SLC9A2: variants seen among roughly 807,000 people sequenced by gnomAD.
The protein encoded by SLC9A2 is solute carrier family 9 member A2, also known as sodium/hydrogen exchanger 2.
Under a neutral mutation model 71.7 loss-of-function variants are expected in SLC9A2, and 42 were observed. The ratio of observed to expected loss-of-function variants is 0.59; its 90% CI spans 0.46 to 0.76. SLC9A2 has a LOEUF of 0.76. Ranked by LOEUF, SLC9A2 falls within the 30% of genes least tolerant of loss-of-function variation. The pLI is 0.00. For synonymous variants in SLC9A2, 396 were observed against 392.5 expected, an observed-to-expected ratio of 1.01 and a Z score of -0.10; for missense variants, 829 against 1,017.4, an observed-to-expected ratio of 0.81 and a Z score of 2.52.
chr2:102,640,674 G>T (rs995869907), intron 1 of SLC9A2, among the ~76,000 whole-genome samples: 17 of 152,134 alleles, frequency 1.1e-4, no homozygotes, highest in African/African-American at 3.9e-4. Flanking sequence ...CAACAAAGAA[G>T]CTCCCAACCT....
intron 1 of SLC9A2, among the ~76,000 whole-genome samples, chr2:102,635,548 G>GT (rs1676453724): frequency 6.6e-6 from 1 of 152,238 alleles, no homozygotes. Context: ...GATTATTTAT[G>GT]TGTGAGTTGG....
At chr2:102,667,001 C>T (rs1021466559) in intron 3 of SLC9A2, among the ~76,000 whole-genome samples, 11 of 152,142 alleles carry the variant, frequency 7.2e-5, no homozygotes, top group African/African-American at 2.7e-4. Flanking sequence ...TATATCAGCA[C>T]GTCTGTATCA....
intron 2 of SLC9A2, among the ~76,000 whole-genome samples, chr2:102,661,365 T>C (rs914687179): frequency 6.6e-6 from 1 of 152,200 alleles, no homozygotes; most frequent in Non-Finnish European, 1.5e-5. Context: ...CCAGTCACTG[T>C]GTGCTGTGGA....
At chr2:102,677,298 GAA>G (rs59477999) in intron 3 of SLC9A2, among the ~76,000 whole-genome samples, 10 of 148,918 alleles carry the variant, frequency 6.7e-5, no homozygotes, top group African/African-American at 2.5e-4. Flanking sequence ...TCCCCAGGGG[GAA>G]AAAAAAAACT....
chr2:102,661,737 A>G (rs1677053127), intron 2 of SLC9A2, among the ~76,000 whole-genome samples: 1 of 152,230 alleles, frequency 6.6e-6, no homozygotes, highest in Non-Finnish European at 1.5e-5. Flanking sequence ...AAATTAGCCC[A>G]TGACAGAATT....
intron 1 of SLC9A2, among the ~76,000 whole-genome samples, chr2:102,637,287 G>A (rs185964146): frequency 6.6e-6 from 1 of 152,354 alleles, no homozygotes; most frequent in East Asian, 1.9e-4. Flanking sequence ...CCACCTGGCT[G>A]TATGAGAAAT....
chr2:102,693,386 G>A (rs1271363809), intron 5 of SLC9A2, among the ~76,000 whole-genome samples: 3 of 152,152 alleles, frequency 2.0e-5, no homozygotes, highest in African/African-American at 7.2e-5. Context: ...GCTGAACAGA[G>A]ACAGACAGAG....
chr2:102,641,472 C>T (rs746404441), intron 1 of SLC9A2, among the ~76,000 whole-genome samples: 7 of 151,434 alleles, frequency 4.6e-5, no homozygotes, highest in Non-Finnish European at 1.0e-4. Context: ...TTGCACGTGC[C>T]GTTCTGCTTG....
Position 102,710,130 on chromosome 2 carries a change from G to A in SLC9A2, c.*1641G>A, listed in dbSNP as rs1217175130. The A allele has an allele frequency of 6.5e-6, 1 of 152,746 alleles. No individual in the cohort carries two copies. The highest frequency in any genetic ancestry group is 1.5e-5 in the Non-Finnish European group (1 of 68,036). 9.5% of individuals were successfully genotyped at this position (152,746 alleles called of 1,614,324 possible). On this transcript the variant is annotated 3_prime_UTR_variant, in exon 12 of 12. Transcript: ENST00000233969. ...ATACACAAGGTACAAGTTCATAGGA[G>A]CACAATTCCTTGATTCAGGGAAAGT...
At chr2:102,630,618 G>A (rs1676338514) in intron 1 of SLC9A2, among the ~76,000 whole-genome samples, 1 of 151,812 alleles carries the variant, frequency 6.6e-6, no homozygotes, top group Non-Finnish European at 1.5e-5. Context: ...CTTCATTGCT[G>A]TGGTATTTCT....
chr2:102,660,228 A>G (rs1159274669), intron 2 of SLC9A2, among the ~76,000 whole-genome samples: 2 of 152,210 alleles, frequency 1.3e-5, no homozygotes, highest in African/African-American at 2.4e-5. Context: ...GCAGGCGGCC[A>G]AAGTGAGAGC....
At chr2:102,664,224 TGAGATCAA>T (rs1237354280) in intron 2 of SLC9A2, among the ~76,000 whole-genome samples, 1 of 147,974 alleles carries the variant, frequency 6.8e-6, no homozygotes, top group Non-Finnish European at 1.5e-5. Flanking sequence ...TGCAGTGAGC[TGAGATCAA>T]GATCACGCCA....
intron 5 of SLC9A2, among the ~76,000 whole-genome samples, chr2:102,684,912 G>A (rs1023207313): frequency 1.3e-5 from 2 of 152,134 alleles, no homozygotes; most frequent in South Asian, 2.1e-4. Context: ...AGTGCTCTAG[G>A]AGCCAGAACA....
rs761848429 is a variant in SLC9A2, at chr2:102,701,210, T to A, written c.1727T>A (p.Val576Asp). 6.2e-7 allele frequency: 1 copy of A among 1,602,310 alleles called. No homozygotes were observed. Among genetic ancestry groups the A allele is most frequent in the Non-Finnish European group, 8.5e-7 (1 of 1,177,010 alleles). The change falls in exon 8 of 12, where the codon GTC becomes GAC. Residue 576 changes from valine (V) to aspartate (D), a missense_variant. Coordinates refer to ENST00000233969, the MANE Select transcript of SLC9A2 (RefSeq NM_003048.6). Reference sequence around the variant, plus strand: ...GCAGAGACTGGGATGATAAGTACTGTCCCTACATTTGCATCTCTAAAGTAA... The same window carrying A: ...GCAGAGACTGGGATGATAAGTACTGACCCTACATTTGCATCTCTAAAGTAA... ...EMAETGMISTVPTFASLNDCR... is the reference protein window; with the variant it reads ...EMAETGMISTDPTFASLNDCR...
At chr2:102,704,754 A>T in intron 10 of SLC9A2, 79 bp downstream of exon 10, 6 of 1,479,628 alleles carry the variant, frequency 4.1e-6, no homozygotes, top group Non-Finnish European at 5.6e-6. Context: ...TGGTATCATC[A>T]GCTCTGCAGA....
chr2:102,677,741 C>T (rs1232535218), intron 3 of SLC9A2, among the ~76,000 whole-genome samples: 1 of 152,160 alleles, frequency 6.6e-6, no homozygotes, highest in East Asian at 1.9e-4. Flanking sequence ...CATGGAGCAT[C>T]CAGTTTGGTT....
intron 3 of SLC9A2, among the ~76,000 whole-genome samples, chr2:102,682,794 G>T (rs1052217114): frequency 9.2e-5 from 14 of 152,182 alleles, no homozygotes; most frequent in African/African-American, 2.9e-4. Flanking sequence ...ACTAAGATGT[G>T]ACAGGGAGAG....
chr2:102,679,195 C>T (rs1052050540), intron 3 of SLC9A2, among the ~76,000 whole-genome samples: 3 of 152,128 alleles, frequency 2.0e-5, no homozygotes, highest in Non-Finnish European at 4.4e-5. Flanking sequence ...CCAGGGCGTT[C>T]TTTCTTCCTG....
intron 3 of SLC9A2, among the ~76,000 whole-genome samples, chr2:102,679,196 T>C (rs944536049): frequency 6.6e-6 from 1 of 152,150 alleles, no homozygotes; most frequent in African/African-American, 2.4e-5. Context: ...CAGGGCGTTC[T>C]TTCTTCCTGT....
Sources: gnomAD v4.1 joint callset for allele counts (sites outside exome capture counted in the v4.1 genomes callset) on GRCh38, gnomAD v4.1.1 for gene constraint, MANE v1.5 for transcripts, NCBI Gene and HGNC (gene_info 2026-07-23, HGNC 2026-07-21) for gene names.